The following ATRNL1 variants were observed in gnomAD, a reference collection of about 807,000 sequenced individuals.
ATRNL1 encodes attractin like 1, also known as attractin-like protein 1.
ATRNL1 carries 95 observed loss-of-function variants against 182.7 expected under a neutral mutation model. The observed-to-expected ratio is 0.52, with a 90% CI of 0.44 to 0.62. The LOEUF (loss-of-function observed/expected upper bound fraction) is 0.62, where lower values mean the gene tolerates loss of function less well. Among genes scored for constraint, ATRNL1 ranks in the 20% least tolerant of loss-of-function variants. ATRNL1 has a pLI of 0.00. For synonymous variants in ATRNL1, 576 were observed against 568.3 expected, an observed-to-expected ratio of 1.01 and a Z score of -0.19; for missense variants, 1,471 against 1,679.5, an observed-to-expected ratio of 0.88 and a Z score of 2.17.
At chr10:115,106,005 A>G (rs1554865827) in intron 1 of ATRNL1, among the ~76,000 whole-genome samples, 1 of 152,092 alleles carries the variant, frequency 6.6e-6, no homozygotes, top group Admixed American at 6.5e-5. Flanking sequence ...AGAACAGTAG[A>G]TGCTCCTACA....
intron 8 of ATRNL1, among the ~76,000 whole-genome samples, chr10:115,181,566 C>G (rs1464853893): frequency 3.3e-5 from 5 of 151,662 alleles, no homozygotes; most frequent in Non-Finnish European, 7.4e-5. Flanking sequence ...GAAAGATACA[C>G]TGTGGAATTT....
chr10:115,415,078 G>A (rs528600344), intron 20 of ATRNL1, among the ~76,000 whole-genome samples: 22 of 152,010 alleles, frequency 1.4e-4, no homozygotes, highest in Admixed American at 2.6e-4. Flanking sequence ...TTGTTGGGTC[G>A]AAGAATACAT....
At chr10:115,297,650 TAA>T (rs5788102) in intron 15 of ATRNL1, among the ~76,000 whole-genome samples, 1,507 of 116,016 alleles carry the variant, frequency 0.013, 14 homozygotes, top group Admixed American at 0.018. Context: ...GACTCCGTCT[TAA>T]AAAAAAAAAA....
chr10:115,095,401 A>G (rs1203327443), intron 1 of ATRNL1, among the ~76,000 whole-genome samples: 1 of 151,664 alleles, frequency 6.6e-6, no homozygotes, highest in African/African-American at 2.4e-5. Context: ...ATTACTGATT[A>G]AAATAAATGT....
At chr10:115,320,128 A>G (rs1290684277) in intron 18 of ATRNL1, among the ~76,000 whole-genome samples, 1 of 151,932 alleles carries the variant, frequency 6.6e-6, no homozygotes, top group Non-Finnish European at 1.5e-5. Flanking sequence ...TCTGGAAAAT[A>G]TTTTATTTCT....
At chr10:115,320,351 G>T (rs1240120629) in intron 18 of ATRNL1, among the ~76,000 whole-genome samples, 4 of 152,060 alleles carry the variant, frequency 2.6e-5, no homozygotes, top group African/African-American at 9.7e-5. Flanking sequence ...CGCCCTTAGA[G>T]AATCTGATGG....
chr10:115,268,406 G>A lies in ATRNL1; in HGVS notation c.2062G>A (p.Asp688Asn), dbSNP rs782483626. The change falls in exon 13 of 29, where the codon GAC (aspartate) becomes AAC (asparagine). Residue 688 changes from aspartate (D) to asparagine (N), a missense_variant. Transcript: ENST00000355044. ...TACAAATGGGTGCCAATGGTGTGAT[G>A]ACAAGAAATGCATTTCGGCAAATAG... is the stretch of plus-strand genomic sequence containing the variant. ...ANTNGCQWCD[D>N]KKCISANSNC... The A allele has an allele frequency of 5.0e-6, 8 of 1,613,604 alleles. No individual in the cohort carries two copies. The South Asian group carries it at 6.6e-5, about 13-fold the overall frequency.
intron 28 of ATRNL1, among the ~76,000 whole-genome samples, chr10:115,911,095 C>T (rs1286039416): frequency 4.6e-5 from 7 of 152,000 alleles, no homozygotes; most frequent in African/African-American, 1.7e-4. Flanking sequence ...ACCTCCGCCT[C>T]CCAGGTTCTA....
intron 10 of ATRNL1, among the ~76,000 whole-genome samples, chr10:115,253,824 T>C (rs1850993213): frequency 6.6e-6 from 1 of 152,114 alleles, no homozygotes; most frequent in Non-Finnish European, 1.5e-5. Context: ...TTGTGTGATG[T>C]TCCCCCTGTG....
At chr10:115,658,280 A>T (rs190515131) in intron 26 of ATRNL1, among the ~76,000 whole-genome samples, 2 of 151,388 alleles carry the variant, frequency 1.3e-5, no homozygotes, top group East Asian at 3.9e-4. Context: ...TATTTTTAGT[A>T]GAGACGGGGA....
intron 18 of ATRNL1, among the ~76,000 whole-genome samples, chr10:115,330,672 C>CTT (rs200104323): frequency 6.1e-4 from 62 of 101,376 alleles, no homozygotes; most frequent in African/African-American, 1.0e-3. Context: ...GTGTTATTTG[C>CTT]TTTTTTTTTT....
At chr10:115,612,183 C>T (rs1857197545) in intron 26 of ATRNL1, among the ~76,000 whole-genome samples, 1 of 151,382 alleles carries the variant, frequency 6.6e-6, no homozygotes, top group Non-Finnish European at 1.5e-5. Flanking sequence ...ACCTGAGAGG[C>T]GGAGGTTGCA....
At chr10:115,847,039 C>G (rs1431015840) in intron 27 of ATRNL1, among the ~76,000 whole-genome samples, 1 of 151,882 alleles carries the variant, frequency 6.6e-6, no homozygotes, top group Non-Finnish European at 1.5e-5. Context: ...TTTATTTACT[C>G]TATGTTATTT....
chr10:115,614,098 C>A (rs1555019952), intron 26 of ATRNL1, among the ~76,000 whole-genome samples: 1 of 151,582 alleles, frequency 6.6e-6, no homozygotes, highest in Non-Finnish European at 1.5e-5. Context: ...TTTTTTAGTT[C>A]CTTGAGGTGC....
intron 27 of ATRNL1, among the ~76,000 whole-genome samples, chr10:115,734,075 G>A (rs1947878519): frequency 6.6e-6 from 1 of 151,850 alleles, no homozygotes; most frequent in African/African-American, 2.4e-5. Context: ...TAATTATTTT[G>A]TGGTATATCA....
intron 27 of ATRNL1, among the ~76,000 whole-genome samples, chr10:115,806,590 A>G (rs1444463055): frequency 2.0e-5 from 3 of 152,170 alleles, no homozygotes; most frequent in African/African-American, 7.2e-5. Context: ...CAAATTTGAC[A>G]AAGAAACAGG....
intron 27 of ATRNL1, among the ~76,000 whole-genome samples, chr10:115,799,600 A>G (rs1949743348): frequency 6.6e-6 from 1 of 152,178 alleles, no homozygotes; most frequent in African/African-American, 2.4e-5. Context: ...AATTCTGCCC[A>G]TCAATTTTTA....
chr10:115,500,836 T>A (rs782110454), intron 24 of ATRNL1, among the ~76,000 whole-genome samples: 3 of 151,246 alleles, frequency 2.0e-5, no homozygotes, highest in African/African-American at 4.9e-5. Flanking sequence ...CCACCACGCC[T>A]GGCCCAAATA....
chr10:115,943,943 C>T (rs1376409971), intron 28 of ATRNL1, among the ~76,000 whole-genome samples: 1 of 152,000 alleles, frequency 6.6e-6, no homozygotes, highest in Non-Finnish European at 1.5e-5. Flanking sequence ...TGAAAGGCTA[C>T]GTACTGTGTG....
Sources: gnomAD v4.1 joint callset for allele counts (sites outside exome capture counted in the v4.1 genomes callset) on GRCh38, gnomAD v4.1.1 for gene constraint, MANE v1.5 for transcripts, NCBI Gene and HGNC (gene_info 2026-07-23, HGNC 2026-07-21) for gene names.